The following ATXN7L1 variants were observed in gnomAD, a reference collection of about 807,000 sequenced individuals.
The protein encoded by ATXN7L1 is ataxin 7 like 1.
Under a neutral mutation model 70.8 loss-of-function variants are expected in ATXN7L1, and 15 were observed. The observed-to-expected ratio is 0.21, with a 90% CI of 0.14 to 0.33. The LOEUF (loss-of-function observed/expected upper bound fraction) is 0.33, where lower values mean the gene tolerates loss of function less well. Ranked by LOEUF, ATXN7L1 falls within the 10% of genes least tolerant of loss-of-function variation. The pLI is 1.00. For missense variants in ATXN7L1, 975 were observed against 1,097.1 expected (o/e 0.89, Z 1.57); for synonymous variants, 440 against 445.1 (o/e 0.99, Z 0.14).
At position 105,725,412 on chromosome 7, in the gene ATXN7L1, G is replaced by C. The variant is rs1415630983; in HGVS notation, c.356-60124C>G. Among the ~76,000 whole-genome samples the C allele has an allele frequency of 4.6e-5, 7 of 152,158 alleles. No homozygotes were observed. In the East Asian group the frequency reaches 1.2e-3, roughly 25 times the overall value. ...AATGATTGATGTTCCAAGAAAAGCT[G>C]CCTCACTAACCTTTAGAAAAATCTA... On this transcript the variant is annotated intron_variant, in intron 3 of 11. Transcript: ENST00000419735.
At chr7:105,802,157 A>G (rs534467911) in intron 2 of ATXN7L1, among the ~76,000 whole-genome samples, 1 of 152,280 alleles carries the variant, frequency 6.6e-6, no homozygotes, top group African/African-American at 2.4e-5. Context: ...TGCAGTCTTG[A>G]TACCCAAGTG....
chr7:105,762,088 G>A (rs1800630293), intron 3 of ATXN7L1, among the ~76,000 whole-genome samples: 1 of 152,216 alleles, frequency 6.6e-6, no homozygotes, highest in South Asian at 2.1e-4. Flanking sequence ...GAGGGACTCT[G>A]TGCAACCCAG....
At chr7:105,743,626 C>T (rs1423731792) in intron 3 of ATXN7L1, among the ~76,000 whole-genome samples, 1 of 152,144 alleles carries the variant, frequency 6.6e-6, no homozygotes, top group East Asian at 1.9e-4. Context: ...TACATAGCTG[C>T]ATTGCAGCAG....
chr7:105,628,317 T>C (rs1359240276), intron 7 of ATXN7L1, among the ~76,000 whole-genome samples: 1 of 152,162 alleles, frequency 6.6e-6, no homozygotes, highest in Non-Finnish European at 1.5e-5. Flanking sequence ...CTATTCTCTC[T>C]ACTTTTCTAT....
rs559874803 is a variant in ATXN7L1, at chr7:105,860,332, T to C, written c.250+15480A>G. On this transcript the variant is annotated intron_variant, in intron 2 of 11. Transcript: ENST00000419735. The stretch of plus-strand genomic sequence containing the variant: ...CTACTGAATATTAAATGAAAAACTT[T>C]AGGTGCTCAAAGATGTCTGTGACTC... 2.6e-5 allele frequency among the ~76,000 whole-genome samples: 4 copies of C among 152,144 alleles called. No homozygotes were observed. The South Asian group carries it at 8.3e-4, about 32-fold the overall frequency.
At chr7:105,639,595 A>G (rs1797877269) in intron 5 of ATXN7L1, 26 bp from the exon 6 acceptor site, 1 of 1,506,920 alleles carries the variant, frequency 6.6e-7, no homozygotes, top group Non-Finnish European at 9.0e-7. Flanking sequence ...AACAAAAAAT[A>G]TAAGAAAAAA....
At position 105,605,630 on chromosome 7, in the gene ATXN7L1, A is replaced by T. The variant is rs867381541; in HGVS notation, c.*2222T>A. The T allele has an allele frequency of 6.6e-6, 1 of 152,198 alleles. No homozygotes were observed. The highest frequency in any genetic ancestry group is 2.4e-5 in the African/African-American group (1 of 41,454). 9.4% of individuals were successfully genotyped at this position (152,198 alleles called of 1,614,324 possible). A position where few individuals can be genotyped will look rare whatever the true frequency, so the allele number is the denominator to read the frequency against. ...CAACCTTTGTTTTCCCTCTTTGACT[A>T]TAAGAGTTTATAAATCAGAGGGTTA... On this transcript the variant is annotated 3_prime_UTR_variant, in exon 12 of 12. Transcript: ENST00000419735.
intron 3 of ATXN7L1, among the ~76,000 whole-genome samples, chr7:105,696,883 T>C (rs1791782510): frequency 6.6e-6 from 1 of 151,764 alleles, no homozygotes. Context: ...AAGGACAGAG[T>C]ACAAAAGAGA....
chr7:105,625,005 A>G (rs1008328524), intron 7 of ATXN7L1, among the ~76,000 whole-genome samples: 3 of 152,208 alleles, frequency 2.0e-5, no homozygotes, highest in African/African-American at 4.8e-5. Flanking sequence ...TGACAGGAAG[A>G]TCAACCAGGT....
At chr7:105,655,839 C>G (rs1414872561) in intron 4 of ATXN7L1, among the ~76,000 whole-genome samples, 1 of 152,118 alleles carries the variant, frequency 6.6e-6, no homozygotes, top group Non-Finnish European at 1.5e-5. Context: ...TGGAGAGGAG[C>G]CCCGCCTACC....
At chr7:105,692,403 T>TTCCTTCCTTCCTTCCTTCCTTCCTTCCC (rs1563009629) in intron 3 of ATXN7L1, among the ~76,000 whole-genome samples, 11 of 68,068 alleles carry the variant, frequency 1.6e-4, no homozygotes, top group African/African-American at 6.5e-4. Flanking sequence ...CCTTCCTTCC[T>TTCCTTCCTTCCTTCCTTCCTTCCTTCCC]TCCTTCCTTC....
intron 3 of ATXN7L1, among the ~76,000 whole-genome samples, chr7:105,685,289 T>A (rs1446262732): frequency 6.6e-6 from 1 of 152,110 alleles, no homozygotes; most frequent in South Asian, 2.1e-4. Context: ...ACATCAGGCA[T>A]GTAAAAGAGG....
chr7:105,856,433 A>C (rs1159457749), intron 2 of ATXN7L1, among the ~76,000 whole-genome samples: 2 of 152,172 alleles, frequency 1.3e-5, no homozygotes, highest in South Asian at 4.1e-4. Flanking sequence ...TAAAAATACA[A>C]AAATTAGCGG....
chr7:105,679,039 C>T (rs143908087), intron 3 of ATXN7L1: 5 of 980,210 alleles, frequency 5.1e-6, no homozygotes, highest in African/African-American at 3.5e-5. Flanking sequence ...TCGTGCCCTG[C>T]GCTCACACTT....
intron 2 of ATXN7L1, among the ~76,000 whole-genome samples, chr7:105,839,203 C>T (rs772786045): frequency 2.0e-5 from 3 of 151,370 alleles, no homozygotes; most frequent in Non-Finnish European, 2.9e-5. Context: ...AGCTGAGAGA[C>T]GTTTTTAGGA....
At chr7:105,785,747 C>T (rs905686563) in intron 3 of ATXN7L1, among the ~76,000 whole-genome samples, 2 of 151,952 alleles carry the variant, frequency 1.3e-5, no homozygotes, top group East Asian at 3.9e-4. Context: ...GGGATTAGTG[C>T]CCATATAAGA....
intron 3 of ATXN7L1, among the ~76,000 whole-genome samples, chr7:105,680,793 T>A (rs1353184382): frequency 1.3e-5 from 2 of 152,070 alleles, no homozygotes; most frequent in Non-Finnish European, 2.9e-5. Flanking sequence ...GGAACCTGAG[T>A]CTTTCCAGAG....
chr7:105,653,714 C>G (rs1000405430), intron 4 of ATXN7L1, among the ~76,000 whole-genome samples: 3 of 152,156 alleles, frequency 2.0e-5, no homozygotes, highest in Non-Finnish European at 2.9e-5. Flanking sequence ...GCCCAGAGGT[C>G]CAAGTGTAAC....
At chr7:105,722,019 T>C (rs1795240484) in intron 3 of ATXN7L1, among the ~76,000 whole-genome samples, 1 of 152,256 alleles carries the variant, frequency 6.6e-6, no homozygotes, top group Non-Finnish European at 1.5e-5. Flanking sequence ...AGTGTGTGTA[T>C]GCGCACACAT....
Sources: gnomAD v4.1 joint callset for allele counts (sites outside exome capture counted in the v4.1 genomes callset) on GRCh38, gnomAD v4.1.1 for gene constraint, MANE v1.5 for transcripts, NCBI Gene and HGNC (gene_info 2026-07-23, HGNC 2026-07-21) for gene names.